The following ADAMTS7 variants were observed in gnomAD, a reference collection of about 807,000 sequenced individuals.
The protein encoded by ADAMTS7 is A disintegrin and metalloproteinase with thrombospondin motifs 7.
A neutral mutation model predicts 172.6 loss-of-function variants in ADAMTS7; 89 were observed. That is an observed-to-expected ratio of 0.52 (90% CI 0.43 to 0.61). The LOEUF (loss-of-function observed/expected upper bound fraction) is 0.61. ADAMTS7 is among the 20% of genes least tolerant of loss of function. The pLI is 0.00. For synonymous variants in ADAMTS7, 885 were observed against 978.4 expected (o/e 0.90, Z 1.78); for missense variants, 1,973 against 2,355.6 (o/e 0.84, Z 3.36).
At position 78,796,667 on chromosome 15, in the gene ADAMTS7, C is replaced by G. The variant is rs115369503; in HGVS notation, c.742G>C (p.Val248Leu). ...VSKEKWVETL[V>L]VADAKMVEYH... ...TCCACCATTTTGGCATCAGCTACTA[C>G]CAGGGTCTCCACCCACTTCTCTTTG... is the stretch of plus-strand genomic sequence containing the variant. Residue 248 changes from valine to leucine, a missense_variant, in exon 4 of 24, where the codon GTA (valine) becomes CTA (leucine). This residue lies in a region of ADAMTS7 where 526 missense variants were observed against 662.9 expected (regional missense o/e 0.79). Coordinates refer to ENST00000388820, the MANE Select transcript of ADAMTS7 (RefSeq NM_014272.5). 6.2e-6 allele frequency: 10 copies of G among 1,613,976 alleles called. No individual in the cohort carries two copies. The African/African-American group carries it at 8.0e-5, about 13-fold the overall frequency.
intron 8 of ADAMTS7, among the ~76,000 whole-genome samples, chr15:78,779,942 G>C (rs545087417): frequency 1.8e-4 from 26 of 147,830 alleles, no homozygotes; most frequent in Non-Finnish European, 3.3e-4. Context: ...AGCATGAGGC[G>C]ACCCTCACAG....
intron 8 of ADAMTS7, among the ~76,000 whole-genome samples, chr15:78,785,336 G>C (rs1447094063): frequency 6.6e-6 from 1 of 152,018 alleles, no homozygotes; most frequent in Non-Finnish European, 1.5e-5. Context: ...AATCACTTGA[G>C]GTCAGGAGTT....
At chr15:78,763,671 C>T (rs2055086380) in intron 22 of ADAMTS7, 28 bp downstream of exon 22, 3 of 1,511,274 alleles carry the variant, frequency 2.0e-6, no homozygotes, top group African/African-American at 1.4e-5. Flanking sequence ...AGCACTTGCT[C>T]CCTGCTCCTC....
In ADAMTS7 at chr15:78,788,350, G is replaced by A. The variant is rs767101573; in HGVS notation, c.1203C>T (p.Ser401=). ...GHSFGIQHDG[S]GNDCEPVGKR... is the part of the protein sequence containing the mutation. ...TCCCAACGGGCTCACAGTCATTGCCGCTTCCGTCATGCTGAATGCCAAAAC... is the reference window on the plus strand; with the variant it reads ...TCCCAACGGGCTCACAGTCATTGCCACTTCCGTCATGCTGAATGCCAAAAC... Residue 401 remains serine, a synonymous_variant, in exon 8 of 24, where the codon AGC becomes AGT. Transcript: ENST00000388820. 20 of 1,613,076 alleles carry A rather than the reference G, an allele frequency of 1.2e-5. No homozygotes were observed. Among genetic ancestry groups the A allele is most frequent in the Non-Finnish European group, 1.0e-5 (12 of 1,179,976 alleles).
At position 78,774,732 on chromosome 15, in the gene ADAMTS7, G is replaced by A. The variant is rs771847116; in HGVS notation, c.1768C>T (p.Gln590Ter). 6.2e-7 allele frequency: 1 copy of A among 1,611,594 alleles called. No homozygotes were observed. Among genetic ancestry groups the A allele is most frequent in the South Asian group, 1.1e-5 (1 of 90,990 alleles). Reference protein sequence around the residue: ...ERKRFRLCNLQACPAGRPSFR... With the variant: ...ERKRFRLCNL ...GAGGGGCGGCCAGCAGGGCAGGCCT[G>A]CAGGTTGCAGAGGCGGAAGCGCTTG... Residue 590 changes from glutamine (Q) to a stop codon, truncating the protein, a stop_gained, in exon 12 of 24, where the codon CAG (glutamine) becomes TAG (stop). Coordinates refer to ENST00000388820, the MANE Select transcript of ADAMTS7 (RefSeq NM_014272.5). LOFTEE classifies it high-confidence loss of function.
intron 4 of ADAMTS7, among the ~76,000 whole-genome samples, chr15:78,792,298 C>T (rs1030464561): frequency 1.2e-4 from 19 of 152,168 alleles, no homozygotes; most frequent in African/African-American, 4.6e-4. Flanking sequence ...AAGTTTTGCC[C>T]GACTCTGTCT....
At chr15:78,787,845 C>T (rs1284522194) in intron 8 of ADAMTS7, among the ~76,000 whole-genome samples, 1 of 152,200 alleles carries the variant, frequency 6.6e-6, no homozygotes, top group African/African-American at 2.4e-5. Context: ...CTCCCATAGC[C>T]TTGCTCAGGG....
chr15:78,800,405 G>C lies in ADAMTS7; in HGVS notation c.243C>G (p.Phe81Leu), dbSNP rs1272396033. The C allele has an allele frequency of 1.2e-6, 2 of 1,609,248 alleles. No homozygotes were observed. Among genetic ancestry groups the C allele is most frequent in the Non-Finnish European group, 1.7e-6 (2 of 1,178,168 alleles). Reference protein sequence around the residue: ...DVSVRRDAPAFYELQYRGREL... With the variant: ...DVSVRRDAPALYELQYRGREL... ...CGCGCCCGCGGTATTGTAGCTCGTA[G>C]AAGGCGGGCGCGTCTCGGCGCACAG... Residue 81 changes from phenylalanine (F) to leucine (L), a missense_variant, in exon 2 of 24, where the codon TTC (phenylalanine) becomes TTG (leucine). Phe to Leu is a conservative substitution (Grantham distance 22). This residue lies in a region of ADAMTS7 where 306 missense variants were observed against 288.0 expected (regional missense o/e 1.06). Coordinates refer to ENST00000388820, the MANE Select transcript of ADAMTS7 (RefSeq NM_014272.5).
rs763271542 is a variant in ADAMTS7, at chr15:78,766,529, A to G, written c.3382T>C (p.Trp1128Arg). ...TGGCTAGGCCAAGGGCTCGGGGACC[A>G]AGGTCCCAGTACCCCCTCCTCCTTG... ...AAKEEGVLGP[W>R]SPSPWPSQAG... is the part of the protein sequence containing the mutation. The change falls in exon 19 of 24, where the codon TGG becomes CGG. Residue 1128 changes from tryptophan to arginine, a missense_variant. This residue lies in a region of ADAMTS7 where 771 missense variants were observed against 952.6 expected (regional missense o/e 0.81). Transcript: ENST00000388820. 6 of 1,590,050 alleles carry G rather than the reference A, an allele frequency of 3.8e-6. No individual in the cohort carries two copies. In the East Asian group the frequency reaches 1.1e-4, roughly 30 times the overall value.
At chr15:78,775,817 G>T (rs143376397) in intron 11 of ADAMTS7, among the ~76,000 whole-genome samples, 2 of 152,158 alleles carry the variant, frequency 1.3e-5, no homozygotes, top group African/African-American at 4.8e-5. Flanking sequence ...ATGGGGAAAT[G>T]GAGGCCCAGA....
At chr15:78,810,974 C>G (rs2141534452) in intron 1 of ADAMTS7, 147 bp downstream of exon 1, 1 of 915,570 alleles carries the variant, frequency 1.1e-6, no homozygotes, top group East Asian at 3.4e-5. Flanking sequence ...CTACTGTCCC[C>G]TAATACCCAG....
At chr15:78,776,641 G>A in intron 10 of ADAMTS7, 108 bp downstream of exon 10, 1 of 1,187,624 alleles carries the variant, frequency 8.4e-7, no homozygotes, top group Non-Finnish European at 1.2e-6. Context: ...GTGGGGCTCT[G>A]CTAGGAGCAC....
chr15:78,791,115 A>C lies in ADAMTS7; in HGVS notation c.903+25T>G, dbSNP rs1194462502. On this transcript the variant is annotated intron_variant, in intron 5 of 23. Transcript: ENST00000388820. ...CTGGCAGCCGAAGCCATTGCCGGGCAGCGTGGGACCACATGACCACTCACC... is the reference window on the plus strand; with the variant it reads ...CTGGCAGCCGAAGCCATTGCCGGGCCGCGTGGGACCACATGACCACTCACC... The C allele has an allele frequency of 1.9e-6, 3 of 1,606,474 alleles. No individual in the cohort carries two copies. In the African/African-American group the frequency reaches 4.0e-5, roughly 21 times the overall value.
intron 5 of ADAMTS7, 54 bp downstream of exon 5, chr15:78,791,086 G>A (rs2055574211): frequency 1.9e-6 from 3 of 1,569,566 alleles, no homozygotes; most frequent in South Asian, 2.3e-5. Context: ...GCGGCAGGAG[G>A]GCTCTGGCAG....
rs151217691 is a variant in ADAMTS7, at chr15:78,774,663, T to C, written c.1837A>G (p.Lys613Glu). 200 of 1,611,600 alleles carry C rather than the reference T, an allele frequency of 1.2e-4. No homozygotes were observed. Among genetic ancestry groups the C allele is most frequent in the Middle Eastern group, 2.3e-4 (1 of 4,430 alleles). ...QCSHFDAMLY[K>E]GQLHTWVPVV... ...GGCACCCATGTGTGCAGCTGGCCCT[T>C]GTAGAGCATAGCGTCAAAGTGGCTG... The change falls in exon 12 of 24, where the codon AAG becomes GAG. Residue 613 changes from lysine (K) to glutamate (E), a missense_variant. Lys to Glu is a moderately conservative substitution (Grantham distance 56, BLOSUM62 1). This residue lies in a region of ADAMTS7 where 526 missense variants were observed against 662.9 expected (regional missense o/e 0.79). Coordinates refer to ENST00000388820, the MANE Select transcript of ADAMTS7 (RefSeq NM_014272.5).
chr15:78,763,573 C>T (rs762056643), intron 22 of ADAMTS7, 126 bp downstream of exon 22: 187 of 1,283,298 alleles, frequency 1.5e-4, no homozygotes, highest in Non-Finnish European at 1.8e-4. Flanking sequence ...GGCGGGGCCT[C>T]GTCCAGTGAC....
chr15:78,796,459 C>T, intron 4 of ADAMTS7, 131 bp downstream of exon 4: 2 of 1,040,264 alleles, frequency 1.9e-6, no homozygotes, highest in South Asian at 3.2e-5. Context: ...GCTTGGATAC[C>T]CTTCTTCCTA....
intron 4 of ADAMTS7, among the ~76,000 whole-genome samples, chr15:78,793,044 A>G (rs1037958376): frequency 6.6e-6 from 1 of 152,188 alleles, no homozygotes; most frequent in Non-Finnish European, 1.5e-5. Flanking sequence ...GCAGCAGCCA[A>G]AAAAATAGCC....
chr15:78,792,266 A>G (rs1209274205), intron 4 of ADAMTS7, among the ~76,000 whole-genome samples: 3 of 152,038 alleles, frequency 2.0e-5, no homozygotes, highest in Non-Finnish European at 4.4e-5. Flanking sequence ...TCTCCAATAC[A>G]ACCAACCAAT....
Sources: allele counts gnomAD v4.1 joint callset (sites outside exome capture counted in the v4.1 genomes callset), GRCh38; gene constraint gnomAD v4.1.1; regional missense constraint gnomAD v4.1.1; transcripts MANE v1.5; gene names NCBI Gene and HGNC (gene_info 2026-07-23, HGNC 2026-07-21).